The following RGS11 variants were observed in gnomAD, a reference collection of about 807,000 sequenced individuals.
RGS11 encodes the protein regulator of G protein signaling 11.
RGS11 carries 86 observed loss-of-function variants against 71.1 expected under a neutral mutation model. The ratio of observed to expected loss-of-function variants is 1.21; its 90% CI spans 1.02 to 1.45. The LOEUF is 1.45. RGS11 is among the 40% of genes most tolerant of loss of function. The probability of loss-of-function intolerance (pLI) is 0.00; values close to 1 mark genes in which losing one functional copy is unlikely to be tolerated. For missense variants in RGS11, 734 were observed against 635.1 expected (o/e 1.16, Z -1.67); for synonymous variants, 298 against 254.2 (o/e 1.17, Z -1.64).
In RGS11 at chr16:274,034, G is replaced by GT; in HGVS notation, c.429+8_429+9insA. On this transcript the variant is annotated intron_variant, in intron 6 of 16. Transcript: ENST00000397770. ...ACCCAGCCGGGGCGGGAAGGGTGGGGGGTCCCACCTTCTCATAATCCACCA... is the reference window on the plus strand; with the variant it reads ...ACCCAGCCGGGGCGGGAAGGGTGGGGTGGTCCCACCTTCTCATAATCCACCA... 1 of 1,548,464 alleles carries GT rather than the reference G, an allele frequency of 6.5e-7. No individual in the cohort carries two copies.
chr16:271,890 G>A (rs1400981821), intron 9 of RGS11: 8 of 407,500 alleles, frequency 2.0e-5, no homozygotes, highest in Non-Finnish European at 3.6e-5. Context: ...AGGCTGGAGT[G>A]CAGTGGTGCG....
intron 8 of RGS11, 76 bp downstream of exon 8, chr16:273,399 T>C (rs2052020732): frequency 2.6e-6 from 3 of 1,157,656 alleles, no homozygotes; most frequent in Middle Eastern, 2.0e-4. Context: ...ATGGTGGTCC[T>C]GAGAGCGCCT....
At chr16:272,722 G>A in intron 9 of RGS11, 141 bp downstream of exon 9, 1 of 1,494,770 alleles carries the variant, frequency 6.7e-7, no homozygotes, top group South Asian at 1.3e-5. Context: ...GACCGGGAGT[G>A]AGCAGGGGCT....
chr16:269,525 TC>T lies in RGS11; in HGVS notation c.1266del (p.Ile423SerfsTer5). 1 of 1,613,218 alleles carries T rather than the reference TC, an allele frequency of 6.2e-7. No individual in the cohort carries two copies. The highest frequency in any genetic ancestry group is 8.5e-7 in the Non-Finnish European group (1 of 1,179,922). On this transcript the variant is annotated frameshift_variant, in exon 16 of 17. Coordinates refer to ENST00000397770, the MANE Select transcript of RGS11 (RefSeq NM_183337.3). LOFTEE classifies it low-confidence loss of function (END_TRUNC). ...CACCGTCTCTTCATCTCCAGCGGGATCCCAGCCTCTGCCAGGAGGGCCTTGT... is the reference window on the plus strand; with the variant it reads ...CACCGTCTCTTCATCTCCAGCGGGATCCAGCCTCTGCCAGGAGGGCCTTGT... ...DMYKALLAEAGIPLEMKRRVF... is the reference protein window; with the variant it reads ...DMYKALLAEAXIPLEMKRRVF...
At position 268,811 on chromosome 16, in the gene RGS11, G is replaced by A. The variant is rs372974584; in HGVS notation, c.*458C>T. The A allele has an allele frequency of 3.9e-3, 5,991 of 1,550,336 alleles. 13 individuals are homozygous for A. The highest frequency in any genetic ancestry group is 4.7e-3 in the Non-Finnish European group (5,380 of 1,146,972). The stretch of plus-strand genomic sequence containing the variant: ...GGCGACAGCGGAGAGGCTCTTGGAC[G>A]GGGCAGAGCTCGCGCCGAGACCTGC... On this transcript the variant is annotated 3_prime_UTR_variant, in exon 17 of 17. Transcript: ENST00000397770.
chr16:274,126 G>A, intron 5 of RGS11, 25 bp from the exon 6 acceptor site: 1 of 1,561,096 alleles, frequency 6.4e-7, no homozygotes, highest in African/African-American at 1.4e-5. Context: ...ACAGCCTGCA[G>A]AGGGGCCAGC....
At position 275,318 on chromosome 16, in the gene RGS11, T is replaced by A; in HGVS notation, c.176A>T (p.Gln59Leu). ...PHAVTGSDVV[Q>L]WLAQKFCVSE... ...GACGCAGAACTTCTGGGCCAACCAC[T>A]GCACGACGTCGCTGCCTGCACGGGA... The change falls in exon 3 of 17, where the codon CAG (glutamine) becomes CTG (leucine). Residue 59 changes from glutamine to leucine, a missense_variant. Gln to Leu is a moderately radical substitution (Grantham distance 113). Coordinates refer to ENST00000397770, the MANE Select transcript of RGS11 (RefSeq NM_183337.3). 1 of 1,612,230 alleles carries A rather than the reference T, an allele frequency of 6.2e-7. No homozygotes were observed. The highest frequency in any genetic ancestry group is 8.5e-7 in the Non-Finnish European group (1 of 1,179,788).
rs1386413266 is a variant in RGS11 at position 270,725 on chromosome 16, C to T, written c.1067+19G>A. Reference sequence around the variant, plus strand: ...GCACCTGCCCGTTGGCCAACCGGTGCCCACCACGCAGCACTTACTCGTACA... The same window carrying T: ...GCACCTGCCCGTTGGCCAACCGGTGTCCACCACGCAGCACTTACTCGTACA... On this transcript the variant is annotated intron_variant, in intron 14 of 16. Coordinates refer to ENST00000397770, the MANE Select transcript of RGS11 (RefSeq NM_183337.3). 1 of 1,611,212 alleles carries T rather than the reference C, an allele frequency of 6.2e-7. No individual in the cohort carries two copies. The highest frequency in any genetic ancestry group is 1.1e-5 in the South Asian group (1 of 90,796).
intron 9 of RGS11, chr16:272,334 A>C (rs943409437): frequency 7.8e-7 from 1 of 1,288,730 alleles, no homozygotes; most frequent in South Asian, 1.2e-5. Flanking sequence ...TTGTATGGGG[A>C]AATGTTAGGG....
Position 271,272 on chromosome 16 carries a change from C to T in RGS11, c.793G>A (p.Val265Met), listed in dbSNP as rs766417162. 1.2e-5 allele frequency: 19 copies of T among 1,612,956 alleles called. No homozygotes were observed. The highest frequency in any genetic ancestry group is 1.7e-5 in the Admixed American group (1 of 60,014). ...GGATTGCTGGGCAGGCACCCCGACA[C>T]GAGGGGATCGTGGGGTCCACGCTGG... is the stretch of plus-strand genomic sequence containing the variant. ...CGQRGPHDPL[V>M]SGCLPSNPWI... The change falls in exon 12 of 17, where the codon GTG (valine) becomes ATG (methionine). Residue 265 changes from valine (V) to methionine (M), a missense_variant. Transcript: ENST00000397770.
At position 268,743 on chromosome 16, in the gene RGS11, C is replaced by G. The variant is rs773138294; in HGVS notation, c.*526G>C. 6.5e-7 allele frequency: 1 copy of G among 1,543,178 alleles called. No individual in the cohort carries two copies. The highest frequency in any genetic ancestry group is 8.7e-7 in the Non-Finnish European group (1 of 1,143,142). ...CGGAAGGCAGTGACCTCGAGGCAGC[C>G]TCAGCACGGCACTCTCTTGGGTCCT... On this transcript the variant is annotated 3_prime_UTR_variant, in exon 17 of 17. Transcript: ENST00000397770.
At chr16:269,455 C>T (rs2051815229) in intron 16 of RGS11, 48 bp downstream of exon 16, 1 of 1,599,544 alleles carries the variant, frequency 6.3e-7, no homozygotes, top group Non-Finnish European at 8.5e-7. Context: ...AGGGCCCCAG[C>T]AGCCCCCAGG....
Position 269,549 on chromosome 16 carries a change from T to TGTACATGTCA in RGS11, c.1233_1242dup (p.Lys415Ter). ...ATCCCAGCCTCTGCCAGGAGGGCCT[T>TGTACATGTCA]GTACATGTCAGACTTCAGGAACCTT... On this transcript the variant is annotated stop_gained and frameshift_variant, in exon 16 of 17. Transcript: ENST00000397770. LOFTEE classifies it low-confidence loss of function (END_TRUNC). 1 of 1,613,470 alleles carries TGTACATGTCA rather than the reference T, an allele frequency of 6.2e-7. No individual in the cohort carries two copies. The highest frequency in any genetic ancestry group is 8.5e-7 in the Non-Finnish European group (1 of 1,179,954).
chr16:275,693 C>CA lies in RGS11; in HGVS notation c.63+155dup, dbSNP rs2052148731. ...GGGCCGGGGAGACCCCGGAGACCCCCAAGGGCCCCAGGCCTCGCCGCCCCT... is the reference window on the plus strand; with the variant it reads ...GGGCCGGGGAGACCCCGGAGACCCCCAAAGGGCCCCAGGCCTCGCCGCCCCT... On this transcript the variant is annotated intron_variant, in intron 1 of 16. Transcript: ENST00000397770. The CA allele has an allele frequency of 8.6e-6, 3 of 347,500 alleles. No homozygotes were observed. The East Asian group carries it at 1.5e-4, about 17-fold the overall frequency. 21.5% of individuals were successfully genotyped at this position (347,500 alleles called of 1,614,324 possible).
intron 8 of RGS11, 52 bp from the exon 9 acceptor site, chr16:272,983 C>A: frequency 7.0e-7 from 1 of 1,426,710 alleles, no homozygotes; most frequent in Non-Finnish European, 9.3e-7. Context: ...TGGCTGACCC[C>A]CTTTAAGGCT....
At chr16:274,148 T>C (rs1480714585) in intron 5 of RGS11, 47 bp from the exon 6 acceptor site, 2 of 1,574,792 alleles carry the variant, frequency 1.3e-6, no homozygotes, top group Non-Finnish European at 1.7e-6. Context: ...CTGCCCTGCC[T>C]CACGGCATCA....
chr16:271,050 G>A lies in RGS11; in HGVS notation c.913C>T (p.Arg305Trp), dbSNP rs147785347. The change falls in exon 13 of 17, where the codon CGG (arginine) becomes TGG (tryptophan). Residue 305 changes from arginine to tryptophan, a missense_variant. Physicochemically the swap from Arg to Trp is moderately radical, Grantham distance 101. Transcript: ENST00000397770. Reference sequence around the variant, plus strand: ...CCCACGGGGTCCTCCAGGAGCTCCCGGAAGCTGAAGCCCCATCTCTCCACA... The same window carrying A: ...CCCACGGGGTCCTCCAGGAGCTCCCAGAAGCTGAAGCCCCATCTCTCCACA... Reference protein sequence around the residue: ...LRVERWGFSFRELLEDPVGRA... With the variant: ...LRVERWGFSFWELLEDPVGRA... 57 of 1,612,502 alleles carry A rather than the reference G, an allele frequency of 3.5e-5. No individual in the cohort carries two copies. The highest frequency in any genetic ancestry group is 1.6e-4 in the Middle Eastern group (1 of 6,062).
rs1402554097 is a variant in RGS11, at chr16:269,133, C to G, written c.*136G>C. ...GGGAGGCTGTGCACCCCACAGAAGA[C>G]TGGGCCCCCTGGGCACAAGGGGACA... On this transcript the variant is annotated 3_prime_UTR_variant, in exon 17 of 17. Coordinates refer to ENST00000397770, the MANE Select transcript of RGS11 (RefSeq NM_183337.3). 2 of 893,184 alleles carry G rather than the reference C, an allele frequency of 2.2e-6. No homozygotes were observed. The highest frequency in any genetic ancestry group is 4.0e-5 in the Admixed American group (2 of 49,536). 55.3% of individuals were successfully genotyped at this position (893,184 alleles called of 1,614,324 possible). A position where few individuals can be genotyped will look rare whatever the true frequency, so the allele number is the denominator to read the frequency against.
At chr16:270,190 A>G (rs1596886282) in intron 15 of RGS11, among the ~76,000 whole-genome samples, 1 of 152,248 alleles carries the variant, frequency 6.6e-6, no homozygotes, top group Admixed American at 6.5e-5. Context: ...TGGAGCTTGC[A>G]CTGAGCCGAG....
Sources: allele counts gnomAD v4.1 joint callset (sites outside exome capture counted in the v4.1 genomes callset), GRCh38; gene constraint gnomAD v4.1.1; transcripts MANE v1.5; gene names NCBI Gene and HGNC (gene_info 2026-07-23, HGNC 2026-07-21).